CNTNAP2: variants seen among roughly 807,000 people sequenced by gnomAD.
CNTNAP2 encodes contactin-associated protein-like 2.
Under a neutral mutation model 155.2 loss-of-function variants are expected in CNTNAP2, and 98 were observed. That is an observed-to-expected ratio of 0.63 (90% CI 0.54 to 0.75). CNTNAP2 has a LOEUF of 0.75. CNTNAP2 is among the 30% of genes least tolerant of loss of function. The pLI is 0.00. For missense variants in CNTNAP2, 1,727 were observed against 1,688.1 expected, an observed-to-expected ratio of 1.02 and a Z score of -0.40; for synonymous variants, 651 against 631.2, an observed-to-expected ratio of 1.03 and a Z score of -0.47.
chr7:146,738,762 T>G (rs756597580), intron 1 of CNTNAP2, among the ~76,000 whole-genome samples: 11 of 151,794 alleles, frequency 7.2e-5, no homozygotes, highest in Non-Finnish European at 1.3e-4. Context: ...AGCTATCAGG[T>G]TCTGGGCTCT....
intron 3 of CNTNAP2, among the ~76,000 whole-genome samples, chr7:147,023,702 C>T (rs984891543): frequency 1.3e-5 from 2 of 152,196 alleles, no homozygotes; most frequent in African/African-American, 4.8e-5. Flanking sequence ...CTCCTAGTTA[C>T]TCCTGATGAC....
Position 148,217,343 on chromosome 7 carries a change from A to G in CNTNAP2, c.3066A>G (p.Pro1022=), listed in dbSNP as rs1178918214. ...GGCTACGATATAACTTTCAGGCACC[A>G]GCAACAAATGCCAGAGACTCCAGCA... ...GMWLRYNFQA[P]ATNARDSSSR... The change falls in exon 19 of 24, where the codon CCA becomes CCG. Residue 1022 remains proline, a synonymous_variant. Coordinates refer to ENST00000361727, the MANE Select transcript of CNTNAP2 (RefSeq NM_014141.6). 16 of 1,614,044 alleles carry G rather than the reference A, an allele frequency of 9.9e-6. No individual in the cohort carries two copies. The highest frequency in any genetic ancestry group is 1.3e-5 in the African/African-American group (1 of 74,934).
intron 2 of CNTNAP2, among the ~76,000 whole-genome samples, chr7:146,821,033 C>A (rs570987391): frequency 6.6e-6 from 1 of 152,246 alleles, no homozygotes; most frequent in African/African-American, 2.4e-5. Flanking sequence ...CTTCCTCCAT[C>A]CCTTTATTTT....
chr7:147,118,333 T>A (rs1801030291), intron 5 of CNTNAP2, among the ~76,000 whole-genome samples: 1 of 152,198 alleles, frequency 6.6e-6, no homozygotes, highest in Non-Finnish European at 1.5e-5. Context: ...CACTAGGATT[T>A]AAGTCCAAAT....
intron 12 of CNTNAP2, among the ~76,000 whole-genome samples, chr7:147,590,780 A>G (rs140580642): frequency 1.5e-3 from 221 of 152,332 alleles, no homozygotes; most frequent in African/African-American, 4.9e-3. Context: ...TGCTGGTGGT[A>G]GGAGGTAATA....
At chr7:146,784,363 G>T (rs2129187720) in intron 2 of CNTNAP2, among the ~76,000 whole-genome samples, 2 of 152,170 alleles carry the variant, frequency 1.3e-5, no homozygotes, top group East Asian at 3.9e-4. Context: ...TCTAAAAGAG[G>T]GGGAAGTTTG....
intron 9 of CNTNAP2, among the ~76,000 whole-genome samples, chr7:147,323,855 G>T (rs142932185): frequency 2.0e-5 from 3 of 150,812 alleles, no homozygotes; most frequent in African/African-American, 7.3e-5. Context: ...TCATATTTCT[G>T]TTCTCCACAA....
At chr7:147,126,743 G>A (rs534507374) in intron 6 of CNTNAP2, among the ~76,000 whole-genome samples, 3 of 152,294 alleles carry the variant, frequency 2.0e-5, no homozygotes, top group African/African-American at 7.2e-5. Context: ...AAAGTGCTGG[G>A]ATTACAGGTG....
At chr7:146,466,390 C>T (rs1796717957) in intron 1 of CNTNAP2, among the ~76,000 whole-genome samples, 1 of 152,150 alleles carries the variant, frequency 6.6e-6, no homozygotes, top group Non-Finnish European at 1.5e-5. Context: ...TACACAATTT[C>T]GTTACAGCAG....
At chr7:147,837,482 C>A (rs1180414086) in intron 13 of CNTNAP2, among the ~76,000 whole-genome samples, 1 of 152,086 alleles carries the variant, frequency 6.6e-6, no homozygotes, top group Non-Finnish European at 1.5e-5. Flanking sequence ...CAGCCCCTCC[C>A]AAATCTCTTG....
At chr7:146,458,969 C>T (rs1167732670) in intron 1 of CNTNAP2, among the ~76,000 whole-genome samples, 1 of 152,150 alleles carries the variant, frequency 6.6e-6, no homozygotes, top group Non-Finnish European at 1.5e-5. Flanking sequence ...AACTCTAATA[C>T]AATACCCACA....
chr7:146,449,144 A>G (rs1293598225), intron 1 of CNTNAP2, among the ~76,000 whole-genome samples: 1 of 151,852 alleles, frequency 6.6e-6, no homozygotes, highest in Non-Finnish European at 1.5e-5. Context: ...TATTTTGCTT[A>G]TTATATTTTC....
chr7:146,726,217 T>G (rs1267833795), intron 1 of CNTNAP2, among the ~76,000 whole-genome samples: 1 of 152,200 alleles, frequency 6.6e-6, no homozygotes, highest in Non-Finnish European at 1.5e-5. Context: ...TTCCTCAATA[T>G]TTCTAGAACA....
intron 1 of CNTNAP2, among the ~76,000 whole-genome samples, chr7:146,576,142 A>T (rs938582761): frequency 6.6e-6 from 1 of 152,210 alleles, no homozygotes; most frequent in Non-Finnish European, 1.5e-5. Context: ...AAAAGGATCC[A>T]GAAGTGAGAT....
At chr7:146,926,043 T>C (rs868245849) in intron 3 of CNTNAP2, among the ~76,000 whole-genome samples, 24 of 152,152 alleles carry the variant, frequency 1.6e-4, no homozygotes, top group African/African-American at 5.6e-4. Flanking sequence ...CTTATGTTAT[T>C]TATCAAGCCT....
At chr7:147,069,611 G>A (rs942667724) in intron 4 of CNTNAP2, among the ~76,000 whole-genome samples, 1 of 152,128 alleles carries the variant, frequency 6.6e-6, no homozygotes, top group Admixed American at 6.5e-5. Flanking sequence ...CATAAATAAT[G>A]GAATTAAAGC....
intron 3 of CNTNAP2, among the ~76,000 whole-genome samples, chr7:146,973,458 G>A (rs1797845147): frequency 6.6e-6 from 1 of 152,192 alleles, no homozygotes; most frequent in South Asian, 2.1e-4. Context: ...TAAGATGTAC[G>A]ATAACCTCCT....
At chr7:147,606,728 T>C (rs1371933184) in intron 12 of CNTNAP2, among the ~76,000 whole-genome samples, 1 of 151,858 alleles carries the variant, frequency 6.6e-6, no homozygotes, top group African/African-American at 2.4e-5. Context: ...TAAACATAGG[T>C]TGTTAGGGAA....
intron 13 of CNTNAP2, among the ~76,000 whole-genome samples, chr7:147,670,997 C>T (rs1463422422): frequency 1.3e-5 from 2 of 152,324 alleles, no homozygotes; most frequent in South Asian, 2.1e-4. Flanking sequence ...GACTCTGCCA[C>T]GGGGCCTGCA....
Sources: allele counts gnomAD v4.1 joint callset (sites outside exome capture counted in the v4.1 genomes callset), GRCh38; gene constraint gnomAD v4.1.1; transcripts MANE v1.5; gene names NCBI Gene and HGNC (gene_info 2026-07-23, HGNC 2026-07-21).